LAMB4: variants seen among roughly 807,000 people sequenced by gnomAD.
LAMB4 encodes the protein laminin subunit beta-4.
In LAMB4, 196 loss-of-function variants were observed where a neutral mutation model predicts 199.2. The observed-to-expected ratio is 0.98, with a 90% CI of 0.88 to 1.11. The LOEUF (loss-of-function observed/expected upper bound fraction) is 1.11, where lower values mean the gene tolerates loss of function less well. Among genes scored for constraint, LAMB4 ranks in the 50% least tolerant of loss-of-function variants. LAMB4 has a pLI of 0.00. For synonymous variants in LAMB4, 744 were observed against 770.6 expected, an observed-to-expected ratio of 0.97 and a Z score of 0.57; for missense variants, 2,080 against 2,171.2, an observed-to-expected ratio of 0.96 and a Z score of 0.83.
At chr7:108,127,585 G>A (rs937073879) in intron 1 of LAMB4, among the ~76,000 whole-genome samples, 2 of 152,136 alleles carry the variant, frequency 1.3e-5, no homozygotes, top group African/African-American at 4.8e-5. Flanking sequence ...AACTTACATG[G>A]TTGGTCACCC....
intron 1 of LAMB4, among the ~76,000 whole-genome samples, chr7:108,124,719 C>CT (rs2038719168): frequency 6.6e-6 from 1 of 152,028 alleles, no homozygotes; most frequent in African/African-American, 2.4e-5. Context: ...TATAAAACCT[C>CT]TTTCACGTAT....
At chr7:108,071,352 C>T (rs566348960) in intron 17 of LAMB4, among the ~76,000 whole-genome samples, 2 of 152,182 alleles carry the variant, frequency 1.3e-5, no homozygotes, top group African/African-American at 4.8e-5. Flanking sequence ...TCAGCACCCC[C>T]CTAACTCCAC....
At chr7:108,127,837 G>A (rs1263687066) in intron 1 of LAMB4, among the ~76,000 whole-genome samples, 1 of 152,168 alleles carries the variant, frequency 6.6e-6, no homozygotes, top group Admixed American at 6.5e-5. Context: ...GGTGAGTACA[G>A]GACATTTGGC....
intron 30 of LAMB4, 25 bp from the exon 31 acceptor site, chr7:108,034,371 G>A (rs1300631224): frequency 6.5e-7 from 1 of 1,542,170 alleles, no homozygotes; most frequent in East Asian, 2.3e-5. Context: ...TAACATATCA[G>A]ATTAGATAAA....
At chr7:108,043,448 G>A (rs2035490622) in intron 29 of LAMB4, among the ~76,000 whole-genome samples, 2 of 149,374 alleles carry the variant, frequency 1.3e-5, no homozygotes, top group Non-Finnish European at 3.0e-5. Context: ...GGTATTTTGA[G>A]ATTATTCTCA....
intron 18 of LAMB4, among the ~76,000 whole-genome samples, chr7:108,069,184 T>G (rs79154604): frequency 0.01 from 1,566 of 152,274 alleles, 26 homozygotes; most frequent in African/African-American, 0.035. Flanking sequence ...TTGACAAAGT[T>G]TGGAGACATT....
intron 11 of LAMB4, 142 bp downstream of exon 11, chr7:108,098,261 A>T (rs751438447): frequency 5.5e-4 from 200 of 364,690 alleles, no homozygotes; most frequent in Admixed American, 2.4e-3. Context: ...TGAACCTGGG[A>T]GGTGGAGGTT....
At chr7:108,112,014 G>T in intron 3 of LAMB4, 68 bp from the exon 4 acceptor site, 1 of 1,337,750 alleles carries the variant, frequency 7.5e-7, no homozygotes, top group Non-Finnish European at 1.0e-6. Flanking sequence ...TAAATTAAAG[G>T]CAAGCTGTAC....
intron 17 of LAMB4, among the ~76,000 whole-genome samples, chr7:108,072,433 A>G (rs772777007): frequency 6.6e-6 from 1 of 152,194 alleles, no homozygotes; most frequent in Admixed American, 6.5e-5. Context: ...GTTATTTGGA[A>G]GTCATGTATG....
intron 28 of LAMB4, among the ~76,000 whole-genome samples, chr7:108,046,033 CAT>C (rs1281687320): frequency 1.3e-5 from 2 of 151,896 alleles, no homozygotes; most frequent in Non-Finnish European, 2.9e-5. Flanking sequence ...GATGTCCTTA[CAT>C]ATATTTCCTT....
chr7:108,029,033 G>C lies in LAMB4; in HGVS notation c.5146+10C>G, dbSNP rs751895647. 1 of 1,609,578 alleles carries C rather than the reference G, an allele frequency of 6.2e-7. No homozygotes were observed. Among genetic ancestry groups the C allele is most frequent in the Non-Finnish European group, 8.5e-7 (1 of 1,178,030 alleles). On this transcript the variant is annotated intron_variant, in intron 33 of 33. Transcript: ENST00000388781. The stretch of plus-strand genomic sequence containing the variant: ...TATCAAATTGGCAGGATGGATAAAA[G>C]AACAGATACCTGTTATTCTTCTTAT...
At position 108,024,000 on chromosome 7, in the gene LAMB4, C is replaced by T; in HGVS notation, c.*39G>A. On this transcript the variant is annotated 3_prime_UTR_variant, in exon 34 of 34. Transcript: ENST00000388781. ...GCCCCAGGGGCTTGTACATCAGAAA[C>T]CAGAAACAAAGGCACAAGCTTTTGC... 1 of 1,560,878 alleles carries T rather than the reference C, an allele frequency of 6.4e-7. No homozygotes were observed. The highest frequency in any genetic ancestry group is 1.2e-5 in the South Asian group (1 of 80,072).
chr7:108,020,363 C>T (rs1026761019), downstream of LAMB4, among the ~76,000 whole-genome samples: 3 of 149,298 alleles, frequency 2.0e-5, no homozygotes, highest in African/African-American at 7.4e-5. Context: ...CCCAGCTACT[C>T]GGGAGGGTAA....
chr7:108,037,269 C>T, intron 30 of LAMB4, 119 bp downstream of exon 30: 1 of 782,442 alleles, frequency 1.3e-6, no homozygotes, highest in Admixed American at 2.3e-5. Context: ...AACTTGGGCA[C>T]TGAACTATCA....
chr7:108,118,034 C>G (rs1386255195), intron 2 of LAMB4, among the ~76,000 whole-genome samples: 2 of 152,130 alleles, frequency 1.3e-5, no homozygotes, highest in East Asian at 3.9e-4. Context: ...GGGAATGCAG[C>G]CCAGTAGGTT....
chr7:108,121,522 G>T (rs1016023882), intron 2 of LAMB4, among the ~76,000 whole-genome samples: 1 of 152,108 alleles, frequency 6.6e-6, no homozygotes, highest in African/African-American at 2.4e-5. Flanking sequence ...GGCCGAGGTG[G>T]GTGTTTCACC....
chr7:108,059,077 T>C (rs953072625), intron 23 of LAMB4, among the ~76,000 whole-genome samples: 13 of 150,486 alleles, frequency 8.6e-5, no homozygotes, highest in East Asian at 2.0e-4. Flanking sequence ...TGCTTTCTTA[T>C]ACCGAAGTAC....
At chr7:108,098,891 G>C (rs552184761) in intron 10 of LAMB4, among the ~76,000 whole-genome samples, 4 of 152,174 alleles carry the variant, frequency 2.6e-5, no homozygotes, top group Admixed American at 6.5e-5. Flanking sequence ...GATTCTTCTG[G>C]GGATGATGAG....
chr7:108,127,175 GTT>G, intron 1 of LAMB4, among the ~76,000 whole-genome samples: 2 of 138,180 alleles, frequency 1.4e-5, no homozygotes, highest in African/African-American at 5.4e-5. Context: ...AATCACCAGG[GTT>G]TTTTTTTTTG....
Sources: gnomAD v4.1 joint callset for allele counts (sites outside exome capture counted in the v4.1 genomes callset) on GRCh38, gnomAD v4.1.1 for gene constraint, MANE v1.5 for transcripts, NCBI Gene and HGNC (gene_info 2026-07-23, HGNC 2026-07-21) for gene names.